The following PLXNA4 variants were observed in gnomAD, a reference collection of about 807,000 sequenced individuals.
The protein encoded by PLXNA4 is plexin-A4.
Under a neutral mutation model 191.8 loss-of-function variants are expected in PLXNA4, and 44 were observed. The observed-to-expected ratio is 0.23, with a 90% CI of 0.18 to 0.29. The LOEUF (loss-of-function observed/expected upper bound fraction) is 0.29. Among genes scored for constraint, PLXNA4 ranks in the 10% least tolerant of loss-of-function variants. The pLI is 1.00. For synonymous variants in PLXNA4, 1,082 were observed against 1,009.5 expected (o/e 1.07, Z -1.36); for missense variants, 1,800 against 2,488.8 (o/e 0.72, Z 5.89).
intron 4 of PLXNA4, among the ~76,000 whole-genome samples, chr7:132,294,728 A>G (rs1289784376): frequency 1.3e-5 from 2 of 152,230 alleles, no homozygotes; most frequent in Non-Finnish European, 2.9e-5. Context: ...CAGCAAAACC[A>G]TATCAAGGTG....
chr7:132,498,372 C>T (rs1305125151), intron 2 of PLXNA4, among the ~76,000 whole-genome samples: 2 of 152,092 alleles, frequency 1.3e-5, no homozygotes, highest in Non-Finnish European at 2.9e-5. Flanking sequence ...ACAATCATGG[C>T]AGAAGGCAAG....
chr7:132,423,861 C>T (rs1176754072), intron 3 of PLXNA4, among the ~76,000 whole-genome samples: 1 of 152,182 alleles, frequency 6.6e-6, no homozygotes, highest in East Asian at 1.9e-4. Context: ...GGGATGGCCA[C>T]ACTACAGCCA....
At chr7:132,518,931 C>T (rs1799056569) in intron 1 of PLXNA4, among the ~76,000 whole-genome samples, 1 of 151,744 alleles carries the variant, frequency 6.6e-6, no homozygotes, top group South Asian at 2.1e-4. Flanking sequence ...CTGCCGTTCC[C>T]AGTAGAGTCG....
In PLXNA4 at chr7:132,573,690, C is replaced by T. The variant is rs12540659; in HGVS notation, c.-87+2732G>A. On this transcript the variant is annotated intron_variant, in intron 1 of 31. Transcript: ENST00000321063. ...GAAACAAGTTGACTGCCTTGGAGTC[C>T]TCCAGAAATGTCTGCAGTGTCCCAG... Among the ~76,000 whole-genome samples, 895 of 152,290 alleles carry T rather than the reference C, an allele frequency of 5.9e-3. 7 individuals carry two copies. The highest frequency in any genetic ancestry group is 0.037 in the Middle Eastern group (11 of 294).
At chr7:132,579,868 T>C (rs1311859261), upstream of PLXNA4, among the ~76,000 whole-genome samples, 2 of 151,924 alleles carry the variant, frequency 1.3e-5, no homozygotes, top group Non-Finnish European at 2.9e-5. Context: ...TCAAATTAGC[T>C]GCAGTAGAGG....
intron 3 of PLXNA4, among the ~76,000 whole-genome samples, chr7:132,442,897 C>T (rs1187977195): frequency 6.6e-6 from 1 of 152,208 alleles, no homozygotes; most frequent in Non-Finnish European, 1.5e-5. Flanking sequence ...AACCCCGGGA[C>T]ACAGTGCCCA....
At chr7:132,204,407 C>T (rs573280724) in intron 10 of PLXNA4, among the ~76,000 whole-genome samples, 4 of 152,304 alleles carry the variant, frequency 2.6e-5, no homozygotes, top group East Asian at 1.9e-4. Flanking sequence ...TTATTCCAGC[C>T]GACTCTGCTC....
rs890414686 is a variant in PLXNA4, at chr7:132,568,283, C to T, written c.-87+8139G>A. On this transcript the variant is annotated intron_variant, in intron 1 of 31. Transcript: ENST00000321063. The stretch of plus-strand genomic sequence containing the variant: ...CCTGAAATAGTCACACACCACTATG[C>T]GGAAGGCTGGCTGTTGCTTAGTAAG... 7.9e-5 allele frequency among the ~76,000 whole-genome samples: 12 copies of T among 152,168 alleles called. 1 individual carries two copies. The highest frequency in any genetic ancestry group is 1.7e-4 in the African/African-American group (7 of 41,428).
intron 2 of PLXNA4, among the ~76,000 whole-genome samples, chr7:132,631,760 C>A (rs892061463): frequency 3.3e-5 from 5 of 152,188 alleles, no homozygotes; most frequent in African/African-American, 1.2e-4. Context: ...ATGATTAAAT[C>A]TATGCTACAT....
intron 2 of PLXNA4, among the ~76,000 whole-genome samples, chr7:132,624,490 T>G (rs536482790): frequency 2.0e-5 from 3 of 151,770 alleles, no homozygotes; most frequent in Non-Finnish European, 4.4e-5. Flanking sequence ...CACATGGGGG[T>G]GTGTGTGTGG....
At chr7:132,191,247 G>T (rs1797077065) in intron 14 of PLXNA4, among the ~76,000 whole-genome samples, 1 of 152,192 alleles carries the variant, frequency 6.6e-6, no homozygotes, top group Admixed American at 6.5e-5. Flanking sequence ...GGAGGCCGTT[G>T]TGATGGCAAA....
At chr7:132,606,220 G>C (rs1432450793) in intron 2 of PLXNA4, among the ~76,000 whole-genome samples, 1 of 152,188 alleles carries the variant, frequency 6.6e-6, no homozygotes, top group Admixed American at 6.5e-5. Context: ...CCAGGAAGAG[G>C]TAAGGAAGGA....
chr7:132,485,244 A>G (rs1349122073), intron 3 of PLXNA4, among the ~76,000 whole-genome samples: 1 of 152,228 alleles, frequency 6.6e-6, no homozygotes, highest in African/African-American at 2.4e-5. Flanking sequence ...AGGGCCAGCC[A>G]GAGTTCCGCT....
chr7:132,304,089 A>G (rs1167476613), intron 3 of PLXNA4, among the ~76,000 whole-genome samples: 1 of 152,244 alleles, frequency 6.6e-6, no homozygotes, highest in Non-Finnish European at 1.5e-5. Flanking sequence ...ATCAGTAGGA[A>G]GGCTGATCTG....
intron 1 of PLXNA4, among the ~76,000 whole-genome samples, chr7:132,562,473 T>C: frequency 2.7e-5 from 3 of 112,276 alleles, no homozygotes; most frequent in African/African-American, 7.5e-5. Flanking sequence ...TCCTCCTTTC[T>C]CCTCCTCCTT....
chr7:132,158,612 G>C (rs1795861735), intron 25 of PLXNA4, among the ~76,000 whole-genome samples: 1 of 152,182 alleles, frequency 6.6e-6, no homozygotes, highest in Non-Finnish European at 1.5e-5. Flanking sequence ...CTTACTACAA[G>C]GCAGGCACTA....
At chr7:132,189,010 GAGAGA>G (rs1796993709) in intron 14 of PLXNA4, among the ~76,000 whole-genome samples, 5 of 69,084 alleles carry the variant, frequency 7.2e-5, no homozygotes, top group Middle Eastern at 0.011. Flanking sequence ...GAGAGAGAGA[GAGAGA>G]GAGAGAGAGA....
intron 3 of PLXNA4, among the ~76,000 whole-genome samples, chr7:132,445,329 C>T (rs1585145273): frequency 6.6e-6 from 1 of 151,984 alleles, no homozygotes; most frequent in Non-Finnish European, 1.5e-5. Flanking sequence ...ACTCACACCC[C>T]ACACCATCTT....
chr7:132,384,587 A>G (rs1185818438), intron 3 of PLXNA4: 2 of 989,718 alleles, frequency 2.0e-6, no homozygotes, highest in Middle Eastern at 5.2e-4. Context: ...GCTTTTGCAC[A>G]TATGATCAGC....
Sources: gnomAD v4.1 joint callset for allele counts (sites outside exome capture counted in the v4.1 genomes callset) on GRCh38, gnomAD v4.1.1 for gene constraint, MANE v1.5 for transcripts, NCBI Gene and HGNC (gene_info 2026-07-23, HGNC 2026-07-21) for gene names.